Variants in CMKLR2 observed in about 807,000 individuals in gnomAD.
CMKLR2 encodes chemerin chemokine-like receptor 2, also known as chemerin-like receptor 2.
In CMKLR2, 18 loss-of-function variants were observed where a neutral mutation model predicts 23.0. The observed-to-expected ratio is 0.78, with a 90% CI of 0.54 to 1.16. The LOEUF (loss-of-function observed/expected upper bound fraction) is 1.16, where lower values mean the gene tolerates loss of function less well. Ranked by LOEUF, CMKLR2 falls within the 50% of genes most tolerant of loss-of-function variation. The pLI is 0.00. For synonymous variants in CMKLR2, 158 were observed against 158.9 expected (o/e 0.99, Z 0.05); for missense variants, 401 against 412.7 (o/e 0.97, Z 0.25).
At chr2:206,199,606 TC>T (rs1398444000) in intron 1 of CMKLR2, among the ~76,000 whole-genome samples, 8 of 148,470 alleles carry the variant, frequency 5.4e-5, no homozygotes, top group African/African-American at 1.8e-4. Flanking sequence ...TTTTTTTTTT[TC>T]CCCCGAAATG....
rs548826093 is a variant in CMKLR2, at chr2:206,195,719, C to G, written c.-29+17588G>C. Among the ~76,000 whole-genome samples the G allele has an allele frequency of 7.6e-4, 116 of 152,234 alleles. No individual in the cohort carries two copies. In the South Asian group the frequency reaches 0.024, roughly 31 times the overall value. On this transcript the variant is annotated intron_variant, in intron 1 of 1. Transcript: ENST00000621141. ...CCTGTAATCCCAGCACTTTGGGAGGCCGAGGCAGGCAGATCACCTGAGGTT... is the reference window on the plus strand; with the variant it reads ...CCTGTAATCCCAGCACTTTGGGAGGGCGAGGCAGGCAGATCACCTGAGGTT...
upstream of CMKLR2, among the ~76,000 whole-genome samples, chr2:206,214,425 G>A (rs1689683216): frequency 6.6e-6 from 1 of 151,788 alleles, no homozygotes; most frequent in African/African-American, 2.4e-5. Context: ...CTCCCAAAGT[G>A]CCCGGCCTAA....
chr2:206,192,788 A>T (rs1688795601), intron 1 of CMKLR2, among the ~76,000 whole-genome samples: 1 of 152,216 alleles, frequency 6.6e-6, no homozygotes, highest in Admixed American at 6.5e-5. Flanking sequence ...TAGTACAGTT[A>T]TCCTTCAGTA....
upstream of CMKLR2, chr2:206,213,890 G>C (rs1171434793): frequency 6.6e-6 from 1 of 152,156 alleles, no homozygotes; most frequent in African/African-American, 2.4e-5. Context: ...GTCTCGCTCT[G>C]TCGCCCAGGC....
chr2:206,184,297 TC>T (rs1292098282), intron 1 of CMKLR2, among the ~76,000 whole-genome samples: 2 of 142,586 alleles, frequency 1.4e-5, no homozygotes, highest in African/African-American at 5.2e-5. Flanking sequence ...TCTCTCTCTC[TC>T]TCTTTTTTTT....
chr2:206,206,349 A>C (rs1231084673), intron 1 of CMKLR2, among the ~76,000 whole-genome samples: 1 of 152,250 alleles, frequency 6.6e-6, no homozygotes, highest in African/African-American at 2.4e-5. Flanking sequence ...AACAAATGGA[A>C]AGGCCATGTT....
intron 1 of CMKLR2, among the ~76,000 whole-genome samples, chr2:206,194,377 T>G (rs1688849883): frequency 6.6e-6 from 1 of 151,894 alleles, no homozygotes; most frequent in Non-Finnish European, 1.5e-5. Context: ...TTAAAAGACT[T>G]GCTCGTTGAC....
chr2:206,198,877 T>G (rs1689001118), intron 1 of CMKLR2, among the ~76,000 whole-genome samples: 1 of 152,204 alleles, frequency 6.6e-6, no homozygotes, highest in Non-Finnish European at 1.5e-5. Flanking sequence ...CATCTAAAGA[T>G]GCTAGAACCA....
chr2:206,201,984 G>A (rs1399180302), intron 1 of CMKLR2, among the ~76,000 whole-genome samples: 1 of 152,102 alleles, frequency 6.6e-6, no homozygotes, highest in Non-Finnish European at 1.5e-5. Context: ...AAAATTGAGG[G>A]GCGCTAATGT....
At chr2:206,195,938 G>T (rs1410684317) in intron 1 of CMKLR2, among the ~76,000 whole-genome samples, 4 of 151,956 alleles carry the variant, frequency 2.6e-5, no homozygotes, top group African/African-American at 9.7e-5. Context: ...TGGGGAACAG[G>T]AGTGAAACTC....
Position 206,177,157 on chromosome 2 carries a change from TCTC to T in CMKLR2, c.88_90del (p.Glu30del). 1 of 1,613,970 alleles carries T rather than the reference TCTC, an allele frequency of 6.2e-7. No homozygotes were observed. Among genetic ancestry groups the T allele is most frequent in the Middle Eastern group, 1.6e-4 (1 of 6,062 alleles). On this transcript the variant is annotated inframe_deletion, in exon 2 of 2. Coordinates refer to ENST00000621141, the MANE Select transcript of CMKLR2 (RefSeq NM_001389445.1). ...CAGTGAACAACTCCCAGCTGGACTTTCTCCTCCAAATCAGACTCCAGAGAGTAA... is the reference window on the plus strand; with the variant it reads ...CAGTGAACAACTCCCAGCTGGACTTTCTCCAAATCAGACTCCAGAGAGTAA...
At chr2:206,215,477 T>C (rs1485345237), upstream of CMKLR2, among the ~76,000 whole-genome samples, 1 of 152,208 alleles carries the variant, frequency 6.6e-6, no homozygotes, top group African/African-American at 2.4e-5. Flanking sequence ...AGAAATGACA[T>C]TGATCAAGGA....
intron 1 of CMKLR2, among the ~76,000 whole-genome samples, chr2:206,205,684 C>T (rs977667292): frequency 2.0e-5 from 3 of 150,694 alleles, no homozygotes; most frequent in Non-Finnish European, 4.4e-5. Context: ...ACACAGTGTT[C>T]GGTGTATTAT....
At chr2:206,216,324 T>C (rs908627031), upstream of CMKLR2, among the ~76,000 whole-genome samples, 1 of 152,042 alleles carries the variant, frequency 6.6e-6, no homozygotes, top group African/African-American at 2.4e-5. Flanking sequence ...AGTGGTGGCG[T>C]GCACCTGTAG....
rs1345027803 is a variant in CMKLR2, at chr2:206,189,601, C to T, written c.-28-12326G>A. On this transcript the variant is annotated intron_variant, in intron 1 of 1. Transcript: ENST00000621141. The stretch of plus-strand genomic sequence containing the variant: ...AATGAGCAAAGATGGTGCCACTGCA[C>T]TCCAGCCTGGGCAATAGAGTGAGAC... Among the ~76,000 whole-genome samples, 5 of 151,050 alleles carry T rather than the reference C, an allele frequency of 3.3e-5. No homozygotes were observed. The East Asian group carries it at 5.8e-4, about 18-fold the overall frequency.
chr2:206,216,703 A>G (rs1689765474), upstream of CMKLR2, among the ~76,000 whole-genome samples: 1 of 152,222 alleles, frequency 6.6e-6, no homozygotes, highest in South Asian at 2.1e-4. Context: ...CCCATTTCAT[A>G]CAAATAGCAT....
At chr2:206,179,437 C>T (rs1371135386) in intron 1 of CMKLR2, among the ~76,000 whole-genome samples, 3 of 119,978 alleles carry the variant, frequency 2.5e-5, no homozygotes, top group African/African-American at 3.3e-5. Flanking sequence ...AGTGCAGTGG[C>T]GCCATCTCGG....
intron 1 of CMKLR2, among the ~76,000 whole-genome samples, chr2:206,209,949 TTTTC>T (rs1338298602): frequency 4.0e-5 from 6 of 149,824 alleles, no homozygotes. Flanking sequence ...CGCCCGGCCC[TTTTC>T]TTTCTTTTCT....
At chr2:206,200,959 G>A (rs542357117) in intron 1 of CMKLR2, among the ~76,000 whole-genome samples, 2 of 152,066 alleles carry the variant, frequency 1.3e-5, no homozygotes, top group Admixed American at 1.3e-4. Context: ...TATTTTTACT[G>A]TTATTTTTTA....
Sources: gnomAD v4.1 joint callset for allele counts (sites outside exome capture counted in the v4.1 genomes callset) on GRCh38, gnomAD v4.1.1 for gene constraint, MANE v1.5 for transcripts, NCBI Gene and HGNC (gene_info 2026-07-23, HGNC 2026-07-21) for gene names.